Variants in MOB4 observed in about 807,000 individuals in gnomAD.
MOB4 encodes MOB family member 4, phocein.
A neutral mutation model predicts 32.2 loss-of-function variants in MOB4; 4 were observed. The observed-to-expected ratio is 0.12, with a 90% CI of 0.06 to 0.28. The LOEUF is 0.28. MOB4 is among the 10% of genes least tolerant of loss of function. The pLI is 1.00. For missense variants in MOB4, 158 were observed against 271.2 expected, an observed-to-expected ratio of 0.58 and a Z score of 2.93; for synonymous variants, 88 against 88.1, an observed-to-expected ratio of 1.00 and a Z score of 0.01.
At chr2:197,546,155 G>A (rs2086989149) in intron 5 of MOB4, among the ~76,000 whole-genome samples, 1 of 152,014 alleles carries the variant, frequency 6.6e-6, no homozygotes, top group Non-Finnish European at 1.5e-5. Flanking sequence ...TCCGCCTCCC[G>A]GGTTCTTGCC....
rs1192201830 is a variant in MOB4 at position 197,543,985 on chromosome 2, C to T, written c.354+3548C>T. ...GAACTCCTGACCTCATGTGATCCGC[C>T]CACCTCAGCCTCCTAAAGTGCTGGG... On this transcript the variant is annotated intron_variant, in intron 5 of 7. Transcript: ENST00000323303. Among the ~76,000 whole-genome samples, 40 of 152,092 alleles carry T rather than the reference C, an allele frequency of 2.6e-4. 2 individuals carry two copies. Among genetic ancestry groups the T allele is most frequent in the African/African-American group, 9.4e-4 (39 of 41,496 alleles).
At chr2:197,519,881 A>G (rs1310962572) in intron 1 of MOB4, among the ~76,000 whole-genome samples, 1 of 152,232 alleles carries the variant, frequency 6.6e-6, no homozygotes, top group Non-Finnish European at 1.5e-5. Context: ...ATTGCTCTTT[A>G]ATAGATAATG....
chr2:197,525,601 C>T (rs10451549), intron 2 of MOB4, among the ~76,000 whole-genome samples: 3,238 of 150,310 alleles, frequency 0.022, 120 homozygotes, highest in African/African-American at 0.074. Context: ...GGCTAGGTGG[C>T]GTGCACCTGT....
chr2:197,519,132 G>A (rs1273983854), intron 1 of MOB4, among the ~76,000 whole-genome samples: 1 of 152,172 alleles, frequency 6.6e-6, no homozygotes, highest in Non-Finnish European at 1.5e-5. Context: ...CTGACCTCAA[G>A]TGATCTTCCC....
At chr2:197,549,168 T>G (rs2087050680) in intron 6 of MOB4, among the ~76,000 whole-genome samples, 1 of 151,852 alleles carries the variant, frequency 6.6e-6, no homozygotes, top group Non-Finnish European at 1.5e-5. Flanking sequence ...GCAGAGGTTG[T>G]GGTGAGCCGA....
chr2:197,515,932 C>A, upstream of MOB4: 1 of 717,244 alleles, frequency 1.4e-6, no homozygotes, highest in Non-Finnish European at 2.2e-6. Flanking sequence ...TCCGCCTAGC[C>A]CGCTTCTACC....
intron 3 of MOB4, among the ~76,000 whole-genome samples, chr2:197,537,081 C>T (rs1248415806): frequency 6.6e-6 from 1 of 152,080 alleles, no homozygotes; most frequent in Non-Finnish European, 1.5e-5. Context: ...AGTTCCTAGT[C>T]TAGGCTTGGT....
chr2:197,550,218 A>G lies in MOB4; in HGVS notation c.435-57A>G, dbSNP rs903354919. The G allele has an allele frequency of 1.2e-5, 18 of 1,509,864 alleles. No individual in the cohort carries two copies. The East Asian group carries it at 4.1e-4, about 35-fold the overall frequency. The allele number at this position is 1,509,864 out of a possible 1,614,324, so 93.5% of individuals were successfully genotyped here. On this transcript the variant is annotated intron_variant, in intron 6 of 7. Transcript: ENST00000323303. ...ACTTGTAAGCGAGAAATTGGACTATATTGTTCCTAAGATTCTATCCAGTTC... is the reference window on the plus strand; with the variant it reads ...ACTTGTAAGCGAGAAATTGGACTATGTTGTTCCTAAGATTCTATCCAGTTC...
intron 2 of MOB4, among the ~76,000 whole-genome samples, chr2:197,528,890 T>A (rs1257939625): frequency 6.6e-6 from 1 of 152,118 alleles, no homozygotes; most frequent in East Asian, 1.9e-4. Flanking sequence ...GTGCTGGGAT[T>A]ACAGGCGTGA....
At chr2:197,531,988 C>A (rs2086713769) in intron 2 of MOB4, among the ~76,000 whole-genome samples, 1 of 152,100 alleles carries the variant, frequency 6.6e-6, no homozygotes. Context: ...CTGCTCAGAG[C>A]AACCTCCACC....
At chr2:197,542,619 G>C (rs555034062) in intron 5 of MOB4, among the ~76,000 whole-genome samples, 3 of 152,100 alleles carry the variant, frequency 2.0e-5, no homozygotes, top group Non-Finnish European at 4.4e-5. Context: ...GCTTCTAGGC[G>C]ACAAACATTA....
At chr2:197,542,807 A>G (rs2086919701) in intron 5 of MOB4, among the ~76,000 whole-genome samples, 1 of 152,178 alleles carries the variant, frequency 6.6e-6, no homozygotes, top group African/African-American at 2.4e-5. Context: ...CAGAGTAGGA[A>G]TAGTTACCTG....
At chr2:197,516,324 C>G in intron 1 of MOB4, 178 bp downstream of exon 1, 2 of 1,426,206 alleles carry the variant, frequency 1.4e-6, no homozygotes, top group Non-Finnish European at 1.8e-6. Context: ...CGGTGGCGGC[C>G]GCCGTGAGGC....
At chr2:197,539,317 AT>A (rs35362424) in intron 3 of MOB4, among the ~76,000 whole-genome samples, 62 of 126,712 alleles carry the variant, frequency 4.9e-4, no homozygotes, top group Admixed American at 7.8e-4. Flanking sequence ...TTGTAATGTA[AT>A]TTTTTTTTTT....
intron 3 of MOB4, among the ~76,000 whole-genome samples, chr2:197,536,844 C>A (rs2086808460): frequency 6.6e-6 from 1 of 151,992 alleles, no homozygotes; most frequent in Admixed American, 6.6e-5. Context: ...GATCTGCCCG[C>A]CTCAGCCTCC....
At chr2:197,521,725 T>G in intron 1 of MOB4, among the ~76,000 whole-genome samples, 1 of 152,216 alleles carries the variant, frequency 6.6e-6, no homozygotes, top group East Asian at 1.9e-4. Context: ...CATTTGCTTT[T>G]GAAAGAAGAG....
intron 5 of MOB4, among the ~76,000 whole-genome samples, chr2:197,547,922 T>G (rs974886720): frequency 2.0e-4 from 31 of 152,232 alleles, no homozygotes; most frequent in African/African-American, 7.2e-4. Flanking sequence ...ATATTTCATG[T>G]TAAAATTCAA....
intron 1 of MOB4, among the ~76,000 whole-genome samples, chr2:197,521,200 AAG>A (rs1391130939): frequency 6.6e-6 from 1 of 152,122 alleles, no homozygotes; most frequent in Admixed American, 6.5e-5. Context: ...CAGAGTACAA[AAG>A]AGAGAAATTT....
At chr2:197,547,394 A>G (rs1310860649) in intron 5 of MOB4, among the ~76,000 whole-genome samples, 2 of 152,226 alleles carry the variant, frequency 1.3e-5, no homozygotes, top group Admixed American at 6.5e-5. Flanking sequence ...GCTTTTGACC[A>G]ACTCATCTGT....
Sources: allele counts gnomAD v4.1 joint callset (sites outside exome capture counted in the v4.1 genomes callset), GRCh38; gene constraint gnomAD v4.1.1; transcripts MANE v1.5; gene names NCBI Gene and HGNC (gene_info 2026-07-23, HGNC 2026-07-21).